The following GRM7 variants were observed in gnomAD, a reference collection of about 807,000 sequenced individuals.
GRM7 encodes glutamate metabotropic receptor 7.
A neutral mutation model predicts 84.5 loss-of-function variants in GRM7; 35 were observed. The observed-to-expected ratio is 0.41, with a 90% CI of 0.32 to 0.55. The LOEUF (loss-of-function observed/expected upper bound fraction) is 0.55. GRM7 is among the 20% of genes least tolerant of loss of function. The probability of loss-of-function intolerance (pLI) is 0.19; values close to 1 mark genes in which losing one functional copy is unlikely to be tolerated. For missense variants in GRM7, 1,003 were observed against 1,194.6 expected (o/e 0.84, Z 2.36); for synonymous variants, 487 against 455.1 (o/e 1.07, Z -0.89).
intron 5 of GRM7, among the ~76,000 whole-genome samples, chr3:7,429,751 A>G (rs1696753556): frequency 6.6e-6 from 1 of 152,218 alleles, no homozygotes; most frequent in African/African-American, 2.4e-5. Flanking sequence ...CTTGTAAATA[A>G]TAAACAATTA....
intron 8 of GRM7, among the ~76,000 whole-genome samples, chr3:7,583,993 C>G (rs1695395296): frequency 6.6e-6 from 1 of 152,016 alleles, no homozygotes; most frequent in Non-Finnish European, 1.5e-5. Context: ...AGTTGTCGCA[C>G]AAAGAATGAA....
chr3:7,407,363 C>T (rs978572196), intron 4 of GRM7, among the ~76,000 whole-genome samples: 7 of 152,098 alleles, frequency 4.6e-5, no homozygotes, highest in African/African-American at 1.7e-4. Context: ...TCTTGAGCAG[C>T]CTCAAAACAA....
intron 4 of GRM7, among the ~76,000 whole-genome samples, chr3:7,374,692 T>C (rs1173226463): frequency 1.3e-5 from 2 of 149,872 alleles, no homozygotes; most frequent in African/African-American, 4.9e-5. Flanking sequence ...GGTTTCACCA[T>C]GTTGGCCAGG....
intron 1 of GRM7, among the ~76,000 whole-genome samples, chr3:7,103,758 CTT>C (rs768989250): frequency 2.5e-4 from 9 of 36,292 alleles, no homozygotes; most frequent in African/African-American, 1.3e-3. Flanking sequence ...CCCTTTCTTT[CTT>C]TCTTTCTTTC....
chr3:7,146,566 A>C lies in GRM7; in HGVS notation c.634A>C (p.Ile212Leu). The change falls in exon 2 of 10, where the codon ATT becomes CTT. Residue 212 changes from isoleucine to leucine, a missense_variant. Physicochemically the swap from Ile to Leu is conservative, Grantham distance 5. This residue lies in a region of GRM7 where 910 missense variants were observed against 1,126.0 expected (regional missense o/e 0.81). Transcript: ENST00000357716. ...DSFQAQAMVDIVKALGWNYVS... is the reference protein window; with the variant it reads ...DSFQAQAMVDLVKALGWNYVS... ...CTTCCAAGCCCAGGCCATGGTAGAC[A>C]TTGTAAAGGCCCTAGGCTGGAATTA... 1.2e-6 allele frequency: 2 copies of C among 1,613,906 alleles called. No individual in the cohort carries two copies. Among genetic ancestry groups the C allele is most frequent in the Non-Finnish European group, 1.7e-6 (2 of 1,179,920 alleles).
At chr3:7,095,234 T>G (rs2125013379) in intron 1 of GRM7, among the ~76,000 whole-genome samples, 1 of 152,294 alleles carries the variant, frequency 6.6e-6, no homozygotes, top group Non-Finnish European at 1.5e-5. Flanking sequence ...ATAGCTTTAA[T>G]TATCTGACAG....
intron 1 of GRM7, among the ~76,000 whole-genome samples, chr3:7,108,566 A>T (rs73115092): frequency 0.022 from 3,285 of 149,220 alleles, 108 homozygotes; most frequent in African/African-American, 0.078. Flanking sequence ...GTCATCGTAC[A>T]CTCTTTTCTC....
At position 7,740,910 on chromosome 3, in the gene GRM7, A is replaced by T. The variant is rs1226465645; in HGVS notation, c.*504A>T. On this transcript the variant is annotated 3_prime_UTR_variant, in exon 10 of 10. Coordinates refer to ENST00000357716, the MANE Select transcript of GRM7 (RefSeq NM_000844.4). ...ACGGTGGAATATTTGGAAAAATTTT[A>T]AAACAATTAAAATTTTAAAGCAATC... 1 of 152,734 alleles carries T rather than the reference A, an allele frequency of 6.5e-6. No individual in the cohort carries two copies. The highest frequency in any genetic ancestry group is 1.5e-5 in the Non-Finnish European group (1 of 68,130). The allele number at this position is 152,734 out of a possible 1,614,324, so 9.5% of individuals were successfully genotyped here.
intron 1 of GRM7, among the ~76,000 whole-genome samples, chr3:7,051,227 T>G (rs190731044): frequency 6.6e-6 from 1 of 151,838 alleles, no homozygotes; most frequent in African/African-American, 2.4e-5. Context: ...AATGGTGCTT[T>G]AATTTTACAA....
At chr3:7,365,423 C>A (rs912770423) in intron 4 of GRM7, among the ~76,000 whole-genome samples, 1 of 151,640 alleles carries the variant, frequency 6.6e-6, no homozygotes, top group Non-Finnish European at 1.5e-5. Context: ...CTTCTGTTTA[C>A]CACTTTGTGC....
chr3:7,499,057 C>T (rs75241105), intron 7 of GRM7, among the ~76,000 whole-genome samples: 2,198 of 152,272 alleles, frequency 0.014, 50 homozygotes, highest in African/African-American at 0.05. Flanking sequence ...GATTTTGCCA[C>T]GTAGTTGCAA....
intron 4 of GRM7, among the ~76,000 whole-genome samples, chr3:7,340,032 A>G (rs1404726002): frequency 3.9e-5 from 6 of 152,144 alleles, no homozygotes; most frequent in East Asian, 1.9e-4. Context: ...TAGTAATATT[A>G]TTATATTTCT....
At chr3:6,953,211 TTTTTG>T (rs753078363) in intron 1 of GRM7, among the ~76,000 whole-genome samples, 5 of 152,154 alleles carry the variant, frequency 3.3e-5, no homozygotes, top group Non-Finnish European at 7.4e-5. Context: ...GCCTCAGAAT[TTTTTG>T]TTTTGTTTTT....
chr3:6,961,559 A>T (rs945110495), intron 1 of GRM7, among the ~76,000 whole-genome samples: 1 of 152,124 alleles, frequency 6.6e-6, no homozygotes, highest in East Asian at 1.9e-4. Flanking sequence ...CACACCCTCC[A>T]TCAATCGCAC....
chr3:7,138,634 A>T (rs1693846265), intron 1 of GRM7, among the ~76,000 whole-genome samples: 1 of 151,928 alleles, frequency 6.6e-6, no homozygotes, highest in Non-Finnish European at 1.5e-5. Context: ...CACATTTGCA[A>T]ATGACTAAAG....
intron 2 of GRM7, among the ~76,000 whole-genome samples, chr3:7,240,706 C>T (rs553738468): frequency 2.6e-4 from 39 of 152,274 alleles, no homozygotes; most frequent in African/African-American, 9.1e-4. Flanking sequence ...TTCCCTCCCC[C>T]TCTTCCACAT....
chr3:7,310,697 G>A (rs905634173), intron 4 of GRM7, among the ~76,000 whole-genome samples: 1 of 152,238 alleles, frequency 6.6e-6, no homozygotes, highest in Admixed American at 6.5e-5. Context: ...TTGTGGCAGA[G>A]TGGGTTTCTG....
intron 7 of GRM7, among the ~76,000 whole-genome samples, chr3:7,556,366 AT>A (rs1214796607): frequency 6.6e-6 from 1 of 152,032 alleles, no homozygotes; most frequent in Non-Finnish European, 1.5e-5. Flanking sequence ...TGTTTTCATC[AT>A]TTTCACCTCT....
At chr3:7,435,918 G>GTC (rs1697037742) in intron 5 of GRM7, among the ~76,000 whole-genome samples, 1 of 139,582 alleles carries the variant, frequency 7.2e-6, no homozygotes, top group Admixed American at 7.7e-5. Flanking sequence ...TAGCCAGGAT[G>GTC]GTCTCCATCT....
Sources: allele counts gnomAD v4.1 joint callset (sites outside exome capture counted in the v4.1 genomes callset), GRCh38; gene constraint gnomAD v4.1.1; regional missense constraint gnomAD v4.1.1; transcripts MANE v1.5; gene names NCBI Gene and HGNC (gene_info 2026-07-23, HGNC 2026-07-21).